ZNF717: variants seen among roughly 807,000 people sequenced by gnomAD.
The protein encoded by ZNF717 is krueppel-like factor X17.
Under a neutral mutation model 13.8 loss-of-function variants are expected in ZNF717, and 9 were observed. That is an observed-to-expected ratio of 0.65 (90% confidence interval 0.39 to 1.14). ZNF717 has a LOEUF of 1.14. Among genes scored for constraint, ZNF717 ranks in the 50% most tolerant of loss-of-function variants. ZNF717 has a pLI of 0.01. For synonymous variants in ZNF717, 327 were observed against 364.1 expected (o/e 0.90, Z 1.16); for missense variants, 1,040 against 1,080.7 (o/e 0.96, Z 0.53).
chr3:75,768,609 G>T (rs1330268624), intron 2 of ZNF717, among the ~76,000 whole-genome samples: 1 of 145,384 alleles, frequency 6.9e-6, no homozygotes, highest in Non-Finnish European at 1.5e-5. Flanking sequence ...TGGGAGGGGG[G>T]TAGATGACAG....
chr3:75,778,401 AAACAAT>A (rs1315406742), intron 2 of ZNF717, among the ~76,000 whole-genome samples: 1 of 149,410 alleles, frequency 6.7e-6, no homozygotes, highest in Non-Finnish European at 1.5e-5. Context: ...CCGGAACCCA[AAACAAT>A]GGGAGTGATG....
At chr3:75,754,376 T>A (rs76481486) in intron 2 of ZNF717, among the ~76,000 whole-genome samples, 85 of 119,146 alleles carry the variant, frequency 7.1e-4, no homozygotes, top group African/African-American at 1.1e-3. Flanking sequence ...AAATACAATT[T>A]GTAGCAACAG....
intron 2 of ZNF717, among the ~76,000 whole-genome samples, chr3:75,757,705 G>C (rs1252757336): frequency 6.6e-6 from 1 of 152,164 alleles, no homozygotes; most frequent in South Asian, 2.1e-4. Flanking sequence ...TGTCTAGAAA[G>C]TGATTCCTTT....
At chr3:75,771,188 T>C (rs1410740648) in intron 2 of ZNF717, among the ~76,000 whole-genome samples, 1 of 152,162 alleles carries the variant, frequency 6.6e-6, no homozygotes, top group Non-Finnish European at 1.5e-5. Context: ...TCAGCTGTGT[T>C]CAAATAAGGC....
At chr3:75,776,869 G>T (rs1339429248) in intron 2 of ZNF717, among the ~76,000 whole-genome samples, 1 of 152,122 alleles carries the variant, frequency 6.6e-6, no homozygotes, top group Non-Finnish European at 1.5e-5. Flanking sequence ...AAAACATGGG[G>T]TATTATAAAG....
chr3:75,735,339 C>G (rs1426579145), downstream of ZNF717, among the ~76,000 whole-genome samples: 2 of 152,002 alleles, frequency 1.3e-5, no homozygotes, highest in East Asian at 1.9e-4. Flanking sequence ...TAGTAAAAAC[C>G]AAAGTATAGA....
intron 4 of ZNF717, among the ~76,000 whole-genome samples, chr3:75,720,439 T>G (rs1185960608): frequency 6.6e-6 from 1 of 152,074 alleles, no homozygotes; most frequent in Non-Finnish European, 1.5e-5. Context: ...AAGTCTTAGG[T>G]ACACACAGAC....
At chr3:75,765,035 ATGTGTGTGTGTGTGTGTGTG>A (rs150835839) in intron 2 of ZNF717, among the ~76,000 whole-genome samples, 3 of 81,784 alleles carry the variant, frequency 3.7e-5, no homozygotes, top group African/African-American at 4.1e-5. Flanking sequence ...ATATATGTAT[ATGTGTGTGTGTGTGTGTGTG>A]TGTATATGTA....
intron 2 of ZNF717, among the ~76,000 whole-genome samples, chr3:75,763,653 C>A (rs1943206867): frequency 6.6e-6 from 1 of 152,194 alleles, no homozygotes; most frequent in African/African-American, 2.4e-5. Flanking sequence ...CAGGATTAGG[C>A]CCTGCAGCTG....
intron 6 of ZNF717, among the ~76,000 whole-genome samples, chr3:75,701,600 A>G (rs1937697885): frequency 6.6e-6 from 1 of 152,306 alleles, no homozygotes; most frequent in African/African-American, 2.4e-5. Flanking sequence ...GCTGAGGCAG[A>G]GAATTGCTTG....
At chr3:75,728,446 G>A (rs1221013992), downstream of ZNF717, among the ~76,000 whole-genome samples, 3 of 152,238 alleles carry the variant, frequency 2.0e-5, no homozygotes, top group Non-Finnish European at 2.9e-5. Flanking sequence ...TGTAAGACTG[G>A]GGTAAGGGGA....
At chr3:75,764,990 GATATATATATATATATATATATATAT>G (rs71101852) in intron 2 of ZNF717, among the ~76,000 whole-genome samples, 10 of 102,352 alleles carry the variant, frequency 9.8e-5, no homozygotes, top group South Asian at 4.3e-4. Flanking sequence ...TAAACAAAAG[GATATATATATATATATATATATATAT>G]ATATATATAT....
chr3:75,731,237 T>C (rs1249950949), downstream of ZNF717, among the ~76,000 whole-genome samples: 1 of 152,052 alleles, frequency 6.6e-6, no homozygotes, highest in Non-Finnish European at 1.5e-5. Context: ...ATTAGCGAAG[T>C]GTGGTGGTGT....
At chr3:75,719,851 G>A (rs1377339340) in intron 4 of ZNF717, among the ~76,000 whole-genome samples, 7 of 151,982 alleles carry the variant, frequency 4.6e-5, no homozygotes, top group African/African-American at 1.4e-4. Context: ...CCAGCTACTC[G>A]GGAGGTTGAG....
chr3:75,717,543 G>C (rs1165825038), intron 4 of ZNF717, among the ~76,000 whole-genome samples: 7 of 152,160 alleles, frequency 4.6e-5, no homozygotes, highest in Admixed American at 2.6e-4. Flanking sequence ...TGTCATCTAA[G>C]GCACATACAA....
Position 75,737,180 on chromosome 3 carries a change from C to T in ZNF717, c.2443G>A (p.Glu815Lys), listed in dbSNP as rs1939389912. Residue 815 changes from glutamate to lysine, a missense_variant, in exon 5 of 5, where the codon GAA becomes AAA. Around this residue, in one of 3 missense-constraint regions of ZNF717, gnomAD observed 873 missense variants for 832.8 expected, o/e 1.05. Coordinates refer to ENST00000652011, the MANE Select transcript of ZNF717 (RefSeq NM_001290208.3). ...QRTHTGEKPF[E>K]CKECRKTFSQ... is the part of the protein sequence containing the mutation. ...AAGGTTTTCCTACATTCTTTACATT[C>T]AAATGGCTTCTCACCTGTGTGAGTT... 1 of 1,556,392 alleles carries T rather than the reference C, an allele frequency of 6.4e-7. No homozygotes were observed. The highest frequency in any genetic ancestry group is 8.7e-7 in the Non-Finnish European group (1 of 1,150,016).
At chr3:75,734,061 TTTTATTTATTTTTA>T (rs1938855569), downstream of ZNF717, among the ~76,000 whole-genome samples, 1 of 147,570 alleles carries the variant, frequency 6.8e-6, no homozygotes, top group Non-Finnish European at 1.5e-5. Context: ...TGAACCTACA[TTTTATTTATTTTTA>T]TTTATTTATT....
downstream of ZNF717, among the ~76,000 whole-genome samples, chr3:75,707,285 G>C (rs79214881): frequency 2.0e-5 from 3 of 152,226 alleles, no homozygotes; most frequent in East Asian, 1.9e-4. Flanking sequence ...GAGTTATTAA[G>C]GCCATAAGAG....
chr3:75,760,616 G>A lies in ZNF717; in HGVS notation c.58-18880C>T, dbSNP rs1449989599. 2.2e-4 allele frequency among the ~76,000 whole-genome samples: 34 copies of A among 151,664 alleles called. 1 individual carries two copies. The South Asian group carries it at 6.7e-3, about 30-fold the overall frequency. ...AAAGATCTCAAACCCATGCTAAAGG[G>A]AAGCTTACAGCTGCAGATGCTTAAA... On this transcript the variant is annotated intron_variant, in intron 2 of 4. Coordinates refer to ENST00000652011, the MANE Select transcript of ZNF717 (RefSeq NM_001290208.3).
Sources: allele counts gnomAD v4.1 joint callset (sites outside exome capture counted in the v4.1 genomes callset), GRCh38; gene constraint gnomAD v4.1.1; regional missense constraint gnomAD v4.1.1; transcripts MANE v1.5; gene names NCBI Gene and HGNC (gene_info 2026-07-23, HGNC 2026-07-21).